The following DPH7 variants were observed in gnomAD, a reference collection of about 807,000 sequenced individuals.
DPH7 encodes diphthine methyltransferase.
Under a neutral mutation model 41.7 loss-of-function variants are expected in DPH7, and 44 were observed. The observed-to-expected ratio is 1.05, with a 90% CI of 0.83 to 1.36. The LOEUF is 1.36. Ranked by LOEUF, DPH7 falls within the 40% of genes most tolerant of loss-of-function variation. DPH7 has a pLI of 0.00. For missense variants in DPH7, 629 were observed against 577.5 expected (o/e 1.09, Z -0.91); for synonymous variants, 275 against 238.0 (o/e 1.16, Z -1.43).
At chr9:137,561,979 C>T (rs2132916801) in intron 8 of DPH7, among the ~76,000 whole-genome samples, 1 of 152,320 alleles carries the variant, frequency 6.6e-6, no homozygotes, top group African/African-American at 2.4e-5. Flanking sequence ...ATTCTCCTGC[C>T]TCAGCCTCCC....
chr9:137,557,644 C>A (rs1188571690), intron 8 of DPH7, among the ~76,000 whole-genome samples: 1 of 151,446 alleles, frequency 6.6e-6, no homozygotes, highest in Non-Finnish European at 1.5e-5. Flanking sequence ...CATGGTGAAA[C>A]CCCATCTCTA....
At chr9:137,558,926 G>A (rs369132419) in intron 8 of DPH7, among the ~76,000 whole-genome samples, 3 of 152,226 alleles carry the variant, frequency 2.0e-5, no homozygotes, top group East Asian at 1.9e-4. Flanking sequence ...AAAGTGCTGG[G>A]ATTACAGGCG....
At chr9:137,577,201 A>C (rs1444294195) in intron 2 of DPH7, among the ~76,000 whole-genome samples, 1 of 152,160 alleles carries the variant, frequency 6.6e-6, no homozygotes, top group Non-Finnish European at 1.5e-5. Context: ...TCAGCTCCAA[A>C]AGTGGGCTAG....
intron 1 of DPH7, among the ~76,000 whole-genome samples, chr9:137,578,309 C>A (rs1404567385): frequency 6.6e-6 from 1 of 152,148 alleles, no homozygotes; most frequent in Non-Finnish European, 1.5e-5. Flanking sequence ...GGACTACAGG[C>A]GCCGCCACCA....
intron 5 of DPH7, among the ~76,000 whole-genome samples, chr9:137,570,925 A>G (rs1390701766): frequency 1.3e-5 from 2 of 151,948 alleles, no homozygotes; most frequent in African/African-American, 4.8e-5. Context: ...CTCCTTCCCT[A>G]TTACATATTA....
intron 4 of DPH7, 132 bp from the exon 5 acceptor site, chr9:137,574,512 T>C: frequency 1.0e-6 from 1 of 992,658 alleles, no homozygotes; most frequent in South Asian, 1.6e-5. Context: ...GACTGGCGGC[T>C]AAGATCACAA....
chr9:137,565,106 T>G lies in DPH7; in HGVS notation c.689A>C (p.Lys230Thr). The G allele has an allele frequency of 6.2e-7, 1 of 1,614,030 alleles. No homozygotes were observed. The highest frequency in any genetic ancestry group is 8.5e-7 in the Non-Finnish European group (1 of 1,180,020). ...LRGWDTRVPG[K>T]FLFTSKRHTM... is the part of the protein sequence containing the mutation. ...TTACCTTTTGCTGGTGAAGAGAAATTTGCCGGGTACCCTGGTGTCCCAGCC... is the reference window on the plus strand; with the variant it reads ...TTACCTTTTGCTGGTGAAGAGAAATGTGCCGGGTACCCTGGTGTCCCAGCC... The change falls in exon 6 of 9, where the codon AAA (lysine) becomes ACA (threonine). Residue 230 changes from lysine to threonine, a missense_variant. Physicochemically the swap from Lys to Thr is moderately conservative, Grantham distance 78. Transcript: ENST00000277540.
chr9:137,574,973 T>C (rs1031725999), intron 3 of DPH7, 130 bp from the exon 4 acceptor site: 3 of 1,483,882 alleles, frequency 2.0e-6, no homozygotes, highest in Non-Finnish European at 2.7e-6. Flanking sequence ...CATCAGTCAC[T>C]GAGTCACACC....
rs3041762 is a variant in DPH7 at position 137,563,531 on chromosome 9, C to CAAA, written c.949+900_949+902dup. Among the ~76,000 whole-genome samples the CAAA allele has an allele frequency of 1.0e-3, 86 of 85,224 alleles. 2 individuals carry two copies. The highest frequency in any genetic ancestry group is 1.2e-3 in the African/African-American group (29 of 23,318). The allele number at this position is 85,224 out of a possible 152,430, so 55.9% of individuals were successfully genotyped here. On this transcript the variant is annotated intron_variant, in intron 8 of 8. Transcript: ENST00000277540. ...TGGGTGACAGAGCAAGACTCCGTCT[C>CAAA]AAAAAAAAAAAAAAAAAAGAGGAAT...
At chr9:137,578,522 G>C (rs1338111121) in intron 1 of DPH7, 103 bp downstream of exon 1, 1 of 1,265,032 alleles carries the variant, frequency 7.9e-7, no homozygotes, top group East Asian at 3.1e-5. Context: ...CCTGGCCAAA[G>C]GGCCAATATC....
chr9:137,564,442 T>C lies in DPH7; in HGVS notation c.941A>G (p.Lys314Arg). 6.2e-7 allele frequency: 1 copy of C among 1,613,026 alleles called. No homozygotes were observed. The highest frequency in any genetic ancestry group is 8.5e-7 in the Non-Finnish European group (1 of 1,179,402). ...CACGGGTCCCCACTCACCCATTGCC[T>C]TTTGGCAGTTGAGGATCTTAAAGCC... ...HSGFKILNCQ[K>R]AMEERQEATV... Residue 314 changes from lysine (K) to arginine (R), a missense_variant, in exon 8 of 9, where the codon AAG (lysine) becomes AGG (arginine). Physicochemically the swap from Lys to Arg is conservative, Grantham distance 26. Coordinates refer to ENST00000277540, the MANE Select transcript of DPH7 (RefSeq NM_138778.5).
At chr9:137,560,181 A>C (rs1456279707) in intron 8 of DPH7, among the ~76,000 whole-genome samples, 1 of 152,166 alleles carries the variant, frequency 6.6e-6, no homozygotes, top group Non-Finnish European at 1.5e-5. Context: ...TCAATTATCA[A>C]GGCTACAGAG....
intron 3 of DPH7, chr9:137,575,668 G>A (rs1179081935): frequency 6.8e-6 from 7 of 1,033,710 alleles, no homozygotes; most frequent in Non-Finnish European, 8.2e-6. Context: ...CATGGCTCCA[G>A]AGCACTGTGA....
At chr9:137,558,552 G>A (rs1207368246) in intron 8 of DPH7, among the ~76,000 whole-genome samples, 1 of 152,134 alleles carries the variant, frequency 6.6e-6, no homozygotes, top group Non-Finnish European at 1.5e-5. Flanking sequence ...AAAACGTTAA[G>A]CTATGTAAAG....
chr9:137,577,750 T>C (rs1841674800), intron 1 of DPH7, 147 bp from the exon 2 acceptor site: 1 of 1,107,408 alleles, frequency 9.0e-7, no homozygotes, highest in South Asian at 1.6e-5. Flanking sequence ...TTTTCTGAGC[T>C]GGAGAAACGT....
chr9:137,577,895 T>A (rs1266039306), intron 1 of DPH7: 14 of 910,682 alleles, frequency 1.5e-5, no homozygotes, highest in Non-Finnish European at 1.8e-5. Flanking sequence ...CGCCTGTTGT[T>A]CCAGTGCCCA....
intron 2 of DPH7, 41 bp downstream of exon 2, chr9:137,577,429 C>A: frequency 6.3e-7 from 1 of 1,596,570 alleles, no homozygotes; most frequent in South Asian, 1.1e-5. Flanking sequence ...GATTGCTACT[C>A]ATGACAAATT....
Position 137,554,576 on chromosome 9 carries a change from C to A in DPH7, c.*663G>T, listed in dbSNP as rs116416893. Among the ~76,000 whole-genome samples, 5 of 151,970 alleles carry A rather than the reference C, an allele frequency of 3.3e-5. No individual in the cohort carries two copies. Among genetic ancestry groups the A allele is most frequent in the Non-Finnish European group, 7.4e-5 (5 of 67,998 alleles). On this transcript the variant is annotated 3_prime_UTR_variant, in exon 9 of 9. Transcript: ENST00000277540. ...CCTCAGCCTCCCAAGTGGCTGGGACCATAGGCACATGCACCACACCTGGCT... is the reference window on the plus strand; with the variant it reads ...CCTCAGCCTCCCAAGTGGCTGGGACAATAGGCACATGCACCACACCTGGCT...
At chr9:137,577,900 T>C in intron 1 of DPH7, 1 of 927,916 alleles carries the variant, frequency 1.1e-6, no homozygotes, top group Non-Finnish European at 1.3e-6. Context: ...GTTGTTCCAG[T>C]GCCCAATTTG....
Sources: gnomAD v4.1 joint callset for allele counts (sites outside exome capture counted in the v4.1 genomes callset) on GRCh38, gnomAD v4.1.1 for gene constraint, MANE v1.5 for transcripts, NCBI Gene and HGNC (gene_info 2026-07-23, HGNC 2026-07-21) for gene names.